The following NEK7 variants were observed in gnomAD, a reference collection of about 807,000 sequenced individuals.
NEK7 encodes the protein serine/threonine-protein kinase Nek7.
In NEK7, 18 loss-of-function variants were observed where a neutral mutation model predicts 44.6. That is an observed-to-expected ratio of 0.40 (90% CI 0.28 to 0.60). NEK7 has a LOEUF of 0.60. NEK7 is among the 20% of genes least tolerant of loss of function. The pLI is 0.38. For synonymous variants in NEK7, 130 were observed against 121.1 expected (o/e 1.07, Z -0.48); for missense variants, 256 against 366.5 (o/e 0.70, Z 2.46).
chr1:198,199,300 G>C (rs977917357), intron 1 of NEK7, among the ~76,000 whole-genome samples: 1 of 152,254 alleles, frequency 6.6e-6, no homozygotes, highest in East Asian at 1.9e-4. Flanking sequence ...CCTTTGTTCA[G>C]TCACCTTGAC....
chr1:198,184,331 G>GAACT lies in NEK7; in HGVS notation c.-29+27055_-29+27056insAACT, dbSNP rs1259821018. On this transcript the variant is annotated intron_variant, in intron 1 of 9. Transcript: ENST00000367385. ...GACTCAGTGCGATTTTTCTTGAAGG[G>GAACT]GTAGATTTACAGTTCTAAATATTAT... Among the ~76,000 whole-genome samples, 1,421 of 152,070 alleles carry GAACT rather than the reference G, an allele frequency of 9.3e-3. 23 individuals carry two copies. The highest frequency in any genetic ancestry group is 0.032 in the African/African-American group (1,338 of 41,450).
At chr1:198,229,298 C>G (rs1047456896) in intron 1 of NEK7, among the ~76,000 whole-genome samples, 2 of 152,156 alleles carry the variant, frequency 1.3e-5, no homozygotes, top group Non-Finnish European at 2.9e-5. Context: ...TGCAACCCTT[C>G]CCTCATACTT....
chr1:198,168,730 T>C (rs1892486), intron 1 of NEK7, among the ~76,000 whole-genome samples: 15,564 of 152,182 alleles, frequency 0.1, 1,036 homozygotes, highest in East Asian at 0.22. Flanking sequence ...CTTGGTCTTA[T>C]CAATCCACAG....
At chr1:198,265,473 G>A (rs1558085850) in intron 5 of NEK7, among the ~76,000 whole-genome samples, 1 of 152,132 alleles carries the variant, frequency 6.6e-6, no homozygotes, top group Non-Finnish European at 1.5e-5. Context: ...GGGAAGAAAA[G>A]GGAAGCCTTT....
intron 2 of NEK7, among the ~76,000 whole-genome samples, chr1:198,241,671 A>G (rs1033365658): frequency 6.6e-6 from 1 of 152,178 alleles, no homozygotes; most frequent in Non-Finnish European, 1.5e-5. Context: ...CTGAAGTCAT[A>G]TTGGCTGGGA....
At chr1:198,292,139 TACTC>T (rs1654578269) in intron 7 of NEK7, among the ~76,000 whole-genome samples, 3 of 152,108 alleles carry the variant, frequency 2.0e-5, no homozygotes, top group Non-Finnish European at 4.4e-5. Flanking sequence ...AAATTAAAGA[TACTC>T]ACTTTGAAAG....
chr1:198,240,198 A>G (rs1385533103), intron 2 of NEK7, among the ~76,000 whole-genome samples: 2 of 152,200 alleles, frequency 1.3e-5, no homozygotes, highest in Non-Finnish European at 1.5e-5. Context: ...CAAATTGGGG[A>G]ATGACTTCAA....
rs768412690 is a variant in NEK7 at position 198,197,871 on chromosome 1, GCATCTT to G, written c.-28-34680_-28-34675del. 387 of 971,322 alleles carry G rather than the reference GCATCTT, an allele frequency of 4.0e-4. 1 individual carries two copies. The highest frequency in any genetic ancestry group is 2.5e-3 in the South Asian group (186 of 75,000). 60.2% of individuals were successfully genotyped at this position (971,322 alleles called of 1,614,324 possible). ...TTGTGAGCTTTCTTCATTTTCATCTGCATCTTCTTGTCCTCTATCACTCCTAGTCCG... is the reference window on the plus strand; with the variant it reads ...TTGTGAGCTTTCTTCATTTTCATCTGCTTGTCCTCTATCACTCCTAGTCCG... On this transcript the variant is annotated intron_variant, in intron 1 of 9. Coordinates refer to ENST00000367385, the MANE Select transcript of NEK7 (RefSeq NM_133494.3).
At chr1:198,180,985 A>G (rs902230129) in intron 1 of NEK7, among the ~76,000 whole-genome samples, 3 of 152,100 alleles carry the variant, frequency 2.0e-5, no homozygotes, top group Non-Finnish European at 4.4e-5. Context: ...GAAAAGGTCA[A>G]AATAGGACAA....
At chr1:198,200,765 G>C (rs1050744836) in intron 1 of NEK7, among the ~76,000 whole-genome samples, 1 of 152,044 alleles carries the variant, frequency 6.6e-6, no homozygotes, top group Non-Finnish European at 1.5e-5. Flanking sequence ...TGGCCAGGCT[G>C]GTCTCAAACT....
intron 3 of NEK7, 104 bp downstream of exon 3, chr1:198,253,284 A>T (rs776340080): frequency 2.7e-5 from 19 of 705,228 alleles, no homozygotes; most frequent in Admixed American, 8.4e-5. Context: ...CCTTAAGTTG[A>T]GAATGCTGGG....
At chr1:198,197,609 A>G (rs560148460) in intron 1 of NEK7, among the ~76,000 whole-genome samples, 2 of 152,316 alleles carry the variant, frequency 1.3e-5, no homozygotes, top group Non-Finnish European at 2.9e-5. Context: ...TGCCATGGCA[A>G]TCCTCTTCCC....
At position 198,193,792 on chromosome 1, in the gene NEK7, T is replaced by A. The variant is rs562674723; in HGVS notation, c.-29+36516T>A. Among the ~76,000 whole-genome samples, 132 of 152,192 alleles carry A rather than the reference T, an allele frequency of 8.7e-4. 1 individual carries two copies. Among genetic ancestry groups the A allele is most frequent in the Middle Eastern group, 3.4e-3 (1 of 294 alleles). On this transcript the variant is annotated intron_variant, in intron 1 of 9. Coordinates refer to ENST00000367385, the MANE Select transcript of NEK7 (RefSeq NM_133494.3). ...CAATCAACTAGGTATTGAAGGAACA[T>A]ACCTCAAAATAAGAGCCATATATGA... is the stretch of plus-strand genomic sequence containing the variant.
intron 7 of NEK7, among the ~76,000 whole-genome samples, chr1:198,287,707 A>G (rs2102997890): frequency 6.6e-6 from 1 of 152,112 alleles, no homozygotes; most frequent in East Asian, 1.9e-4. Context: ...CATCCTAAAA[A>G]TGAGACAGAT....
intron 2 of NEK7, among the ~76,000 whole-genome samples, chr1:198,243,209 A>G (rs1468350748): frequency 6.6e-6 from 1 of 152,096 alleles, no homozygotes; most frequent in Non-Finnish European, 1.5e-5. Flanking sequence ...TAAAATAACT[A>G]TCCACTGGTT....
chr1:198,288,508 A>G (rs1390525400), intron 7 of NEK7, among the ~76,000 whole-genome samples: 1 of 152,236 alleles, frequency 6.6e-6, no homozygotes, highest in Admixed American at 6.5e-5. Context: ...GTGGTCAGTT[A>G]TAATGAAATA....
intron 4 of NEK7, among the ~76,000 whole-genome samples, chr1:198,263,009 A>G (rs1653528732): frequency 6.6e-6 from 1 of 151,916 alleles, no homozygotes. Context: ...AATGTGGACT[A>G]ATCAAAATGG....
chr1:198,157,567 C>T (rs1006863131), intron 1 of NEK7, among the ~76,000 whole-genome samples: 1 of 152,128 alleles, frequency 6.6e-6, no homozygotes, highest in Admixed American at 6.5e-5. Context: ...TCCGTGGCCA[C>T]GGCGGCGGCG....
In NEK7 at chr1:198,230,606, G is replaced by T. The variant is rs1330981288; in HGVS notation, c.-28-1947G>T. On this transcript the variant is annotated intron_variant, in intron 1 of 9. Transcript: ENST00000367385. ...GACAGATTTAATACGTTTTTCCTAA[G>T]ATTAGGAAAAAGGAAAGGATGTCTG... Among the ~76,000 whole-genome samples, 4 of 152,046 alleles carry T rather than the reference G, an allele frequency of 2.6e-5. No homozygotes were observed. The East Asian group carries it at 7.7e-4, about 29-fold the overall frequency.
Sources: allele counts gnomAD v4.1 joint callset (sites outside exome capture counted in the v4.1 genomes callset), GRCh38; gene constraint gnomAD v4.1.1; transcripts MANE v1.5; gene names NCBI Gene and HGNC (gene_info 2026-07-23, HGNC 2026-07-21).